The following TLN2 variants were observed in gnomAD, a reference collection of about 807,000 sequenced individuals.
The protein encoded by TLN2 is talin-2.
In TLN2, 118 loss-of-function variants were observed where a neutral mutation model predicts 294.7. The observed-to-expected ratio is 0.40, with a 90% CI of 0.34 to 0.47. The LOEUF is 0.47. Ranked by LOEUF, TLN2 falls within the 20% of genes least tolerant of loss-of-function variation. TLN2 has a pLI of 0.84. For missense variants in TLN2, 3,083 were observed against 3,282.2 expected (o/e 0.94, Z 1.48); for synonymous variants, 1,431 against 1,304.5 (o/e 1.10, Z -2.09).
chr15:62,522,054 G>A (rs933938356), intron 1 of TLN2, among the ~76,000 whole-genome samples: 12 of 152,078 alleles, frequency 7.9e-5, no homozygotes, highest in Admixed American at 6.6e-4. Flanking sequence ...TCCCATCATG[G>A]CCAGAAATTC....
chr15:62,748,499 G>T (rs1357032674), intron 33 of TLN2, 55 bp downstream of exon 33: 2 of 1,302,840 alleles, frequency 1.5e-6, no homozygotes, highest in Admixed American at 1.7e-5. Flanking sequence ...CTGTGTCTGT[G>T]TGTCTGTGTG....
chr15:62,673,310 C>CTT (rs56258541), intron 9 of TLN2, among the ~76,000 whole-genome samples: 1,417 of 42,870 alleles, frequency 0.033, 182 homozygotes, highest in Middle Eastern at 0.12. Flanking sequence ...TTAGATGTTG[C>CTT]TTTTTTTTTT....
intron 52 of TLN2, among the ~76,000 whole-genome samples, chr15:62,818,911 A>C (rs1328971677): frequency 6.6e-6 from 1 of 151,924 alleles, no homozygotes; most frequent in Non-Finnish European, 1.5e-5. Flanking sequence ...GCTGGAGTGC[A>C]GTGATGCAAC....
intron 54 of TLN2, chr15:62,827,837 C>T (rs1233623488): frequency 6.6e-6 from 1 of 152,178 alleles, no homozygotes; most frequent in African/African-American, 2.4e-5. Context: ...ATATACTAAT[C>T]ACGTGCTTGT....
intron 42 of TLN2, among the ~76,000 whole-genome samples, chr15:62,774,989 CTCTGT>C (rs1289098580): frequency 4.0e-4 from 55 of 136,004 alleles, no homozygotes; most frequent in Middle Eastern, 4.6e-3. Flanking sequence ...TGGAGTCTCG[CTCTGT>C]TGCCCAGGCT....
chr15:62,470,609 A>G (rs1369220714), intron 1 of TLN2, among the ~76,000 whole-genome samples: 1 of 152,198 alleles, frequency 6.6e-6, no homozygotes, highest in Non-Finnish European at 1.5e-5. Context: ...AGTGGCCTGG[A>G]GCAGGTGCTG....
chr15:62,497,563 G>A (rs2039073563), intron 1 of TLN2, among the ~76,000 whole-genome samples: 1 of 152,120 alleles, frequency 6.6e-6, no homozygotes, highest in Non-Finnish European at 1.5e-5. Flanking sequence ...ATTTTTGTTG[G>A]TAATTCTGAA....
Position 62,446,364 on chromosome 15 carries a change from G to C in TLN2, c.-238+55679G>C, listed in dbSNP as rs111400439. Among the ~76,000 whole-genome samples the C allele has an allele frequency of 7.3e-3, 1,112 of 152,284 alleles. 14 individuals carry two copies. The highest frequency in any genetic ancestry group is 0.024 in the African/African-American group (1,010 of 41,548). On this transcript the variant is annotated intron_variant, in intron 1 of 58. Transcript: ENST00000636159. ...AGCGCTTAACTCCCATTTTAGCAGA[G>C]CTTGGGTCTTCTTTTTGTATTTTAA...
chr15:62,478,268 A>C (rs2037894195), intron 1 of TLN2, among the ~76,000 whole-genome samples: 2 of 152,136 alleles, frequency 1.3e-5, no homozygotes, highest in Admixed American at 1.3e-4. Flanking sequence ...TCTTGCTTTT[A>C]ACCCCTGCAT....
chr15:62,500,231 AG>A (rs2039236427), intron 1 of TLN2, among the ~76,000 whole-genome samples: 1 of 152,112 alleles, frequency 6.6e-6, no homozygotes, highest in Admixed American at 6.6e-5. Flanking sequence ...CCAGCTACTC[AG>A]GAGGCTGAGG....
chr15:62,764,089 A>G (rs962812303), intron 40 of TLN2, among the ~76,000 whole-genome samples: 1 of 152,218 alleles, frequency 6.6e-6, no homozygotes, highest in South Asian at 2.1e-4. Context: ...CTTTTTAGTT[A>G]GTTGGCCAAT....
chr15:62,620,679 G>C (rs1214934826), intron 3 of TLN2, among the ~76,000 whole-genome samples: 1 of 151,234 alleles, frequency 6.6e-6, no homozygotes, highest in Non-Finnish European at 1.5e-5. Context: ...ATGAGATTTT[G>C]CTATGTTGCC....
chr15:62,623,168 G>C (rs2048980721), intron 3 of TLN2, among the ~76,000 whole-genome samples: 2 of 152,246 alleles, frequency 1.3e-5, no homozygotes, highest in African/African-American at 2.4e-5. Context: ...GAGTGGAAAA[G>C]AATGAAACAT....
intron 7 of TLN2, among the ~76,000 whole-genome samples, chr15:62,655,285 A>T (rs2053082015): frequency 6.6e-6 from 1 of 152,072 alleles, no homozygotes; most frequent in African/African-American, 2.4e-5. Context: ...CCCAGAGAGG[A>T]GTGTTGGAGT....
intron 1 of TLN2, among the ~76,000 whole-genome samples, chr15:62,412,829 G>A (rs1277983481): frequency 6.6e-6 from 1 of 152,126 alleles, no homozygotes; most frequent in Non-Finnish European, 1.5e-5. Context: ...ATAAGCGTCC[G>A]TGCACATTTC....
At chr15:62,697,566 G>A in intron 14 of TLN2, 122 bp from the exon 15 acceptor site, 2 of 1,044,112 alleles carry the variant, frequency 1.9e-6, no homozygotes, top group Non-Finnish European at 2.8e-6. Context: ...CAGTCTGTAT[G>A]TGCCTCTTTT....
chr15:62,660,690 A>G (rs1480203403), intron 9 of TLN2, among the ~76,000 whole-genome samples: 1 of 152,202 alleles, frequency 6.6e-6, no homozygotes, highest in African/African-American at 2.4e-5. Flanking sequence ...TGTGGGGTTC[A>G]TGTGAAATTT....
At chr15:62,693,788 T>C (rs1386613091) in intron 13 of TLN2, among the ~76,000 whole-genome samples, 1 of 152,122 alleles carries the variant, frequency 6.6e-6, no homozygotes, top group Admixed American at 6.5e-5. Flanking sequence ...GACATCTAAC[T>C]ATATATTAAA....
At chr15:62,635,108 G>C (rs2050253076) in intron 3 of TLN2, among the ~76,000 whole-genome samples, 1 of 152,062 alleles carries the variant, frequency 6.6e-6, no homozygotes. Flanking sequence ...GGCCTTCTCA[G>C]TTGTTAATGC....
Sources: gnomAD v4.1 joint callset for allele counts (sites outside exome capture counted in the v4.1 genomes callset) on GRCh38, gnomAD v4.1.1 for gene constraint, MANE v1.5 for transcripts, NCBI Gene and HGNC (gene_info 2026-07-23, HGNC 2026-07-21) for gene names.